NKAIN3: variants seen among roughly 807,000 people sequenced by gnomAD.
NKAIN3 encodes sodium/potassium-transporting ATPase subunit beta-1-interacting protein 3.
In NKAIN3, 25 loss-of-function variants were observed where a neutral mutation model predicts 30.2. That is an observed-to-expected ratio of 0.83 (90% CI 0.60 to 1.16). The LOEUF (loss-of-function observed/expected upper bound fraction) is 1.16. Ranked by LOEUF, NKAIN3 falls within the 50% of genes most tolerant of loss-of-function variation. NKAIN3 has a pLI of 0.00. For missense variants in NKAIN3, 225 were observed against 254.1 expected (o/e 0.89, Z 0.78); for synonymous variants, 91 against 89.6 (o/e 1.02, Z -0.09).
chr8:62,887,097 G>C (rs1445823490), intron 4 of NKAIN3, among the ~76,000 whole-genome samples: 6 of 152,090 alleles, frequency 3.9e-5, no homozygotes, highest in African/African-American at 1.2e-4. Context: ...CCAAGTCTTT[G>C]CTATTGTAAA....
At chr8:62,849,600 T>TC (rs954391526) in intron 4 of NKAIN3, among the ~76,000 whole-genome samples, 32 of 67,716 alleles carry the variant, frequency 4.7e-4, no homozygotes, top group Admixed American at 1.1e-3. Flanking sequence ...CCCTCTCCCC[T>TC]CCCCCCCACC....
chr8:62,403,310 A>G (rs1803950504), intron 1 of NKAIN3, among the ~76,000 whole-genome samples: 1 of 152,256 alleles, frequency 6.6e-6, no homozygotes, highest in Admixed American at 6.5e-5. Flanking sequence ...GGAGAAATAC[A>G]AGCCAGCTAC....
chr8:62,408,960 TA>T (rs1221255571), intron 1 of NKAIN3, among the ~76,000 whole-genome samples: 1 of 152,188 alleles, frequency 6.6e-6, no homozygotes, highest in African/African-American at 2.4e-5. Flanking sequence ...ATCTGAAAAC[TA>T]GGAATTAAAT....
chr8:62,816,290 G>A (rs1818677463), intron 4 of NKAIN3, among the ~76,000 whole-genome samples: 1 of 152,184 alleles, frequency 6.6e-6, no homozygotes, highest in Non-Finnish European at 1.5e-5. Flanking sequence ...TTGTTCAGCT[G>A]TAATAAATGT....
chr8:62,894,654 A>G (rs1372875340), intron 4 of NKAIN3, among the ~76,000 whole-genome samples: 3 of 152,184 alleles, frequency 2.0e-5, no homozygotes, highest in Non-Finnish European at 4.4e-5. Context: ...TATTACATAC[A>G]TATAAGTATC....
intron 3 of NKAIN3, among the ~76,000 whole-genome samples, chr8:62,726,813 G>T (rs1476914983): frequency 6.6e-6 from 1 of 152,020 alleles, no homozygotes; most frequent in Non-Finnish European, 1.5e-5. Context: ...ACCTCTTTTA[G>T]AAGATAGAAG....
At chr8:62,318,841 G>A (rs1333519046) in intron 1 of NKAIN3, among the ~76,000 whole-genome samples, 1 of 152,122 alleles carries the variant, frequency 6.6e-6, no homozygotes, top group Non-Finnish European at 1.5e-5. Context: ...GATGATGCTG[G>A]CCTCATAAAA....
At chr8:62,288,257 T>TAAA (rs1813447051) in intron 1 of NKAIN3, among the ~76,000 whole-genome samples, 1 of 152,104 alleles carries the variant, frequency 6.6e-6, no homozygotes, top group African/African-American at 2.4e-5. Context: ...CTTTTTTAAT[T>TAAA]ATACTTTAAG....
At chr8:62,772,367 A>G (rs929162551) in intron 4 of NKAIN3, among the ~76,000 whole-genome samples, 1 of 152,206 alleles carries the variant, frequency 6.6e-6, no homozygotes, top group Non-Finnish European at 1.5e-5. Context: ...TACAGTAAAC[A>G]TGGGAGTGTA....
intron 4 of NKAIN3, among the ~76,000 whole-genome samples, chr8:62,867,054 T>TAAA (rs11444625): frequency 5.0e-4 from 60 of 119,576 alleles, no homozygotes; most frequent in South Asian, 1.7e-3. Flanking sequence ...GACTCCGTCT[T>TAAA]AAAAAAAAAA....
At chr8:62,260,534 A>G (rs1372334670) in intron 1 of NKAIN3, among the ~76,000 whole-genome samples, 3 of 152,192 alleles carry the variant, frequency 2.0e-5, no homozygotes, top group Admixed American at 1.3e-4. Context: ...TATGTGTGTG[A>G]TGCTTCAATA....
chr8:62,383,075 T>A (rs979215975), intron 1 of NKAIN3, among the ~76,000 whole-genome samples: 1 of 152,000 alleles, frequency 6.6e-6, no homozygotes, highest in African/African-American at 2.4e-5. Context: ...ATTGGAGACA[T>A]TGTGTTTGGG....
chr8:62,959,953 G>A (rs1823524883), intron 6 of NKAIN3, among the ~76,000 whole-genome samples: 1 of 152,078 alleles, frequency 6.6e-6, no homozygotes, highest in Non-Finnish European at 1.5e-5. Context: ...GTGGCACTCA[G>A]GACTCGTTGC....
chr8:62,965,217 C>G (rs1585629666), intron 6 of NKAIN3, 137 bp from the exon 7 acceptor site: 1 of 810,812 alleles, frequency 1.2e-6, no homozygotes, highest in East Asian at 1.3e-4. Flanking sequence ...AAGTCTTTAA[C>G]TTTCTTATTG....
At chr8:62,455,270 G>C (rs897130328) in intron 1 of NKAIN3, among the ~76,000 whole-genome samples, 1 of 152,170 alleles carries the variant, frequency 6.6e-6, no homozygotes, top group Admixed American at 6.5e-5. Context: ...ATCAACCAAG[G>C]CACACATCAG....
At chr8:62,297,897 A>G (rs1813892223) in intron 1 of NKAIN3, among the ~76,000 whole-genome samples, 1 of 152,148 alleles carries the variant, frequency 6.6e-6, no homozygotes, top group Admixed American at 6.5e-5. Flanking sequence ...GGCTCTATTC[A>G]CAATAGCAAA....
chr8:62,364,828 C>CAAAAAAAAAAAAAAAAAAAAA (rs58784999), intron 1 of NKAIN3, among the ~76,000 whole-genome samples: 1 of 63,758 alleles, frequency 1.6e-5, no homozygotes, highest in Non-Finnish European at 2.6e-5. Flanking sequence ...GACTCCACTA[C>CAAAAAAAAAAAAAAAAAAAAA]AAAAAAAAAA....
chr8:62,565,251 C>A (rs1809713263), intron 1 of NKAIN3, among the ~76,000 whole-genome samples: 1 of 151,966 alleles, frequency 6.6e-6, no homozygotes, highest in South Asian at 2.1e-4. Flanking sequence ...CATTTCCAAG[C>A]TCTCCCTTTA....
intron 1 of NKAIN3, among the ~76,000 whole-genome samples, chr8:62,556,814 G>GT (rs1194908915): frequency 1.3e-5 from 2 of 151,830 alleles, no homozygotes; most frequent in African/African-American, 4.8e-5. Context: ...AAAAGATAAC[G>GT]TAAAAACCCA....
Sources: allele counts gnomAD v4.1 joint callset (sites outside exome capture counted in the v4.1 genomes callset), GRCh38; gene constraint gnomAD v4.1.1; transcripts MANE v1.5; gene names NCBI Gene and HGNC (gene_info 2026-07-23, HGNC 2026-07-21).